The following CHRNA7 variants were observed in gnomAD, a reference collection of about 807,000 sequenced individuals.
CHRNA7 encodes the protein cholinergic receptor nicotinic alpha 7 subunit.
CHRNA7 carries 17 observed loss-of-function variants against 48.0 expected under a neutral mutation model. That is an observed-to-expected ratio of 0.35 (90% CI 0.24 to 0.53). The LOEUF (loss-of-function observed/expected upper bound fraction) is 0.53, where lower values mean the gene tolerates loss of function less well. CHRNA7 is among the 20% of genes least tolerant of loss of function. CHRNA7 has a pLI of 0.92. For synonymous variants in CHRNA7, 75 were observed against 242.3 expected (o/e 0.31, Z 6.41); for missense variants, 155 against 577.7 (o/e 0.27, Z 7.50).
chr15:32,092,140 T>G (rs2050394158), intron 2 of CHRNA7, among the ~76,000 whole-genome samples: 1 of 152,252 alleles, frequency 6.6e-6, no homozygotes, highest in Non-Finnish European at 1.5e-5. Flanking sequence ...GTGATTATCT[T>G]ACACCGTGGT....
At chr15:32,137,971 C>T (rs2051302475) in intron 4 of CHRNA7, among the ~76,000 whole-genome samples, 1 of 151,724 alleles carries the variant, frequency 6.6e-6, no homozygotes, top group African/African-American at 2.4e-5. Flanking sequence ...TTTAGGAAAC[C>T]CTAAAGGCTT....
intron 4 of CHRNA7, among the ~76,000 whole-genome samples, chr15:32,133,317 C>G (rs2051188510): frequency 6.6e-6 from 1 of 152,194 alleles, no homozygotes. Flanking sequence ...TTCATGAGCT[C>G]CTTCACGTCC....
Position 32,168,766 on chromosome 15 carries a change from GCTCCTC to G in CHRNA7, c.*309_*314del. ...AAAGCCCTTCGGAGAGCTCCCCATGGCTCCTCACCACCGAGACAGTTGGTTTTGCAT... is the reference window on the plus strand; with the variant it reads ...AAAGCCCTTCGGAGAGCTCCCCATGGACCACCGAGACAGTTGGTTTTGCAT... On this transcript the variant is annotated 3_prime_UTR_variant, in exon 10 of 10. Coordinates refer to ENST00000306901, the MANE Select transcript of CHRNA7 (RefSeq NM_000746.6). 4.8e-5 allele frequency: 2 copies of G among 42,032 alleles called. No individual in the cohort carries two copies. Among genetic ancestry groups the G allele is most frequent in the African/African-American group, 4.4e-4 (2 of 4,568 alleles). 2.6% of individuals were successfully genotyped at this position (42,032 alleles called of 1,614,324 possible).
chr15:32,114,041 T>C (rs1471974115), intron 4 of CHRNA7, among the ~76,000 whole-genome samples: 1 of 70,256 alleles, frequency 1.4e-5, no homozygotes, highest in African/African-American at 5.7e-5. Context: ...TATATATATA[T>C]ATGTATATAT....
In CHRNA7 at chr15:32,111,797, C is replaced by A; in HGVS notation, c.248C>A (p.Thr83Lys). Reference sequence around the variant, plus strand: ...TGTCATTGTGTGTGTCAGTCTTGGACAGATCACTATTTACAGTGGAATGTG... The same window carrying A: ...TGTCATTGTGTGTGTCAGTCTTGGAAAGATCACTATTTACAGTGGAATGTG... ...TTNIWLQMSWTDHYLQWNVSE... is the reference protein window; with the variant it reads ...TTNIWLQMSWKDHYLQWNVSE... The change falls in exon 4 of 10, where the codon ACA becomes AAA. Residue 83 changes from threonine (T) to lysine (K), a missense_variant. Physicochemically the swap from Thr to Lys is moderately conservative, Grantham distance 78. Coordinates refer to ENST00000306901, the MANE Select transcript of CHRNA7 (RefSeq NM_000746.6). The A allele has an allele frequency of 6.2e-7, 1 of 1,607,504 alleles. No individual in the cohort carries two copies. The highest frequency in any genetic ancestry group is 8.5e-7 in the Non-Finnish European group (1 of 1,173,944).
intron 2 of CHRNA7, chr15:32,100,099 A>G (rs532134093): frequency 1.9e-4 from 29 of 151,920 alleles, no homozygotes; most frequent in Non-Finnish European, 3.7e-4. Flanking sequence ...TGCTGAACGC[A>G]TTTTCATTTT....
chr15:32,050,124 T>G (rs1448855337), intron 2 of CHRNA7, among the ~76,000 whole-genome samples: 1 of 152,216 alleles, frequency 6.6e-6, no homozygotes, highest in Admixed American at 6.5e-5. Flanking sequence ...ATTATGTGTC[T>G]TGGAGTTGCT....
At chr15:32,105,504 G>A (rs150564114) in intron 3 of CHRNA7, among the ~76,000 whole-genome samples, 1 of 142,022 alleles carries the variant, frequency 7.0e-6, no homozygotes, top group African/African-American at 2.8e-5. Flanking sequence ...GAGGAGGAAA[G>A]GAGGAGGAGG....
chr15:32,140,556 A>G (rs1237708193), intron 4 of CHRNA7, among the ~76,000 whole-genome samples: 2 of 152,042 alleles, frequency 1.3e-5, no homozygotes, highest in African/African-American at 2.4e-5. Flanking sequence ...AAGCATTCCT[A>G]TTTCTCCACA....
chr15:32,035,244 T>C lies in CHRNA7; in HGVS notation c.195+4207T>C, dbSNP rs527616120. 4.0e-4 allele frequency among the ~76,000 whole-genome samples: 61 copies of C among 152,294 alleles called. 1 individual carries two copies. In the South Asian group the frequency reaches 0.012, roughly 31 times the overall value. On this transcript the variant is annotated intron_variant, in intron 2 of 9. Coordinates refer to ENST00000306901, the MANE Select transcript of CHRNA7 (RefSeq NM_000746.6). ...GTGTGAGGTTCTAATCTGCCAAGTT[T>C]CCATAATGTTTCTTTCTCCTTTATT...
intron 2 of CHRNA7, among the ~76,000 whole-genome samples, chr15:32,067,173 T>G (rs979124505): frequency 3.6e-4 from 55 of 152,122 alleles, no homozygotes; most frequent in African/African-American, 1.2e-3. Flanking sequence ...TACACATCCG[T>G]AAAGCTTAAC....
chr15:32,052,347 A>G (rs908611526), intron 2 of CHRNA7, among the ~76,000 whole-genome samples: 3 of 152,190 alleles, frequency 2.0e-5, no homozygotes, highest in Non-Finnish European at 2.9e-5. Flanking sequence ...AAGCTAAGAA[A>G]GTGGATCTCA....
chr15:32,041,042 A>G (rs1043111388), intron 2 of CHRNA7, among the ~76,000 whole-genome samples: 2 of 151,902 alleles, frequency 1.3e-5, no homozygotes, highest in Admixed American at 1.3e-4. Context: ...TTGGTCCTCT[A>G]AAGGGAAGGG....
chr15:32,070,123 CAGGTTGAT>C (rs2050030602), intron 2 of CHRNA7, among the ~76,000 whole-genome samples: 1 of 152,096 alleles, frequency 6.6e-6, no homozygotes, highest in African/African-American at 2.4e-5. Flanking sequence ...TTTAAGTATA[CAGGTTGAT>C]AGGTTGAGAC....
Position 32,168,765 on chromosome 15 carries a change from G to GAGAC in CHRNA7, c.*307_*308insAGAC. On this transcript the variant is annotated 3_prime_UTR_variant, in exon 10 of 10. Coordinates refer to ENST00000306901, the MANE Select transcript of CHRNA7 (RefSeq NM_000746.6). The stretch of plus-strand genomic sequence containing the variant: ...GAAAGCCCTTCGGAGAGCTCCCCAT[G>GAGAC]GCTCCTCACCACCGAGACAGTTGGT... The GAGAC allele has an allele frequency of 2.4e-5, 1 of 42,288 alleles. No individual in the cohort carries two copies. 2.6% of individuals were successfully genotyped at this position (42,288 alleles called of 1,614,324 possible). A position where few individuals can be genotyped will look rare whatever the true frequency, so the allele number is the denominator to read the frequency against.
At chr15:32,111,295 A>T (rs1442701884) in intron 3 of CHRNA7, 1 of 152,550 alleles carries the variant, frequency 6.6e-6, no homozygotes, top group African/African-American at 2.4e-5. Context: ...CAAAATAAAA[A>T]TTCAAATCTG....
At chr15:32,112,706 T>A (rs2050783783) in intron 4 of CHRNA7, among the ~76,000 whole-genome samples, 1 of 152,236 alleles carries the variant, frequency 6.6e-6, no homozygotes, top group South Asian at 2.1e-4. Context: ...CAGGCTTTCC[T>A]GATGCAGGGA....
At chr15:32,049,967 A>G (rs2049634808) in intron 2 of CHRNA7, among the ~76,000 whole-genome samples, 1 of 152,152 alleles carries the variant, frequency 6.6e-6, no homozygotes, top group Non-Finnish European at 1.5e-5. Flanking sequence ...AATGTTGAAT[A>G]TTGGCCCCCA....
intron 4 of CHRNA7, among the ~76,000 whole-genome samples, chr15:32,114,070 A>ATG (rs1242195069): frequency 7.4e-6 from 1 of 135,172 alleles, no homozygotes; most frequent in African/African-American, 2.8e-5. Flanking sequence ...ACATATATAT[A>ATG]TATATACACA....
Sources: allele counts gnomAD v4.1 joint callset (sites outside exome capture counted in the v4.1 genomes callset), GRCh38; gene constraint gnomAD v4.1.1; transcripts MANE v1.5; gene names NCBI Gene and HGNC (gene_info 2026-07-23, HGNC 2026-07-21).